Variants in DYNC2I1 observed in about 807,000 individuals in gnomAD.
The protein encoded by DYNC2I1 is dynein 2 intermediate chain 1.
Under a neutral mutation model 133.4 loss-of-function variants are expected in DYNC2I1, and 89 were observed. The observed-to-expected ratio is 0.67, with a 90% CI of 0.56 to 0.80. DYNC2I1 has a LOEUF of 0.80. DYNC2I1 is among the 30% of genes least tolerant of loss of function. The pLI, the probability that DYNC2I1 is intolerant of heterozygous loss-of-function variation, is 0.00. For missense variants in DYNC2I1, 1,291 were observed against 1,314.5 expected (o/e 0.98, Z 0.28); for synonymous variants, 504 against 484.3 (o/e 1.04, Z -0.54).
chr7:158,840,035 A>G, the DYNC2I1 span, among the ~76,000 whole-genome samples: 2 of 152,194 alleles, frequency 1.3e-5, no homozygotes, highest in African/African-American at 4.8e-5. Flanking sequence ...GGCTGGTCTC[A>G]AACTCTTGGG....
chr7:158,849,548 A>G, the DYNC2I1 span, among the ~76,000 whole-genome samples: 1 of 152,198 alleles, frequency 6.6e-6, no homozygotes. Flanking sequence ...GTGTTACAAC[A>G]GCTTGGAGGA....
chr7:158,933,207 T>C (rs1044596491), intron 21 of DYNC2I1, among the ~76,000 whole-genome samples: 5 of 152,182 alleles, frequency 3.3e-5, no homozygotes, highest in African/African-American at 1.2e-4. Flanking sequence ...CATCTCTCTG[T>C]TACAAATACA....
chr7:158,930,414 T>C, intron 20 of DYNC2I1, 41 bp from the exon 21 acceptor site: 1 of 1,562,712 alleles, frequency 6.4e-7, no homozygotes, highest in East Asian at 2.3e-5. Flanking sequence ...TGATTTAGCT[T>C]CTATTGAAAG....
chr7:158,912,943 A>T lies in DYNC2I1; in HGVS notation c.1591-42A>T, dbSNP rs1003485192. Reference sequence around the variant, plus strand: ...TTTCAGTAATGACAGATTGCTCCGAAATTGAAACCAATGTTAATTTTGGCA... The same window carrying T: ...TTTCAGTAATGACAGATTGCTCCGATATTGAAACCAATGTTAATTTTGGCA... On this transcript the variant is annotated intron_variant, in intron 12 of 24. Coordinates refer to ENST00000407559, the MANE Select transcript of DYNC2I1 (RefSeq NM_018051.5). 4 of 1,445,772 alleles carry T rather than the reference A, an allele frequency of 2.8e-6. No individual in the cohort carries two copies. The Admixed American group carries it at 6.0e-5, about 22-fold the overall frequency. The allele number at this position is 1,445,772 out of a possible 1,614,324, so 89.6% of individuals were successfully genotyped here. A position where few individuals can be genotyped will look rare whatever the true frequency, so the allele number is the denominator to read the frequency against.
rs184747974 is a variant in DYNC2I1 at position 158,896,326 on chromosome 7, T to C, written c.1059+4993T>C. Among the ~76,000 whole-genome samples the C allele has an allele frequency of 2.0e-5, 3 of 152,338 alleles. No individual in the cohort carries two copies. The East Asian group carries it at 5.8e-4, about 29-fold the overall frequency. On this transcript the variant is annotated intron_variant, in intron 8 of 24. Coordinates refer to ENST00000407559, the MANE Select transcript of DYNC2I1 (RefSeq NM_018051.5). ...TTGTTGGATTTTGTCAAATGTTTTTTCTCCATTTACTGATATGATCTTATG... is the reference window on the plus strand; with the variant it reads ...TTGTTGGATTTTGTCAAATGTTTTTCCTCCATTTACTGATATGATCTTATG...
chr7:158,930,661 A>G (rs1001052524), intron 21 of DYNC2I1, 146 bp downstream of exon 21: 21 of 697,648 alleles, frequency 3.0e-5, no homozygotes, highest in East Asian at 2.9e-4. Context: ...TTGTTAGTCT[A>G]TTATTTTTAT....
chr7:158,890,005 C>CAAAAAAAAAA, intron 7 of DYNC2I1, among the ~76,000 whole-genome samples: 1 of 67,984 alleles, frequency 1.5e-5, no homozygotes, highest in Non-Finnish European at 2.9e-5. Context: ...GACTCCTTCT[C>CAAAAAAAAAA]AAAAAAAAAA....
At chr7:158,880,644 C>T (rs1023233818) in intron 5 of DYNC2I1, among the ~76,000 whole-genome samples, 5 of 152,084 alleles carry the variant, frequency 3.3e-5, no homozygotes, top group South Asian at 2.1e-4. Flanking sequence ...AATTAGCAAA[C>T]GTTTCAACCA....
At chr7:158,879,132 G>A (rs1216469572) in intron 4 of DYNC2I1, among the ~76,000 whole-genome samples, 2 of 152,256 alleles carry the variant, frequency 1.3e-5, no homozygotes, top group South Asian at 2.1e-4. Flanking sequence ...ACTGTGTGGC[G>A]TTGGGGTGAC....
At chr7:158,892,467 G>C (rs1328498483) in intron 8 of DYNC2I1, among the ~76,000 whole-genome samples, 2 of 151,710 alleles carry the variant, frequency 1.3e-5, no homozygotes, top group Admixed American at 6.6e-5. Flanking sequence ...TTTGAGTCAG[G>C]GGCTCGCTCT....
In DYNC2I1 at chr7:158,911,608, CTCTT is replaced by C; in HGVS notation, c.1520_1523del (p.Leu507ArgfsTer6). The C allele has an allele frequency of 6.2e-7, 1 of 1,613,644 alleles. No individual in the cohort carries two copies. The highest frequency in any genetic ancestry group is 8.5e-7 in the Non-Finnish European group (1 of 1,179,712). On this transcript the variant is annotated frameshift_variant, in exon 12 of 25. Transcript: ENST00000407559. LOFTEE classifies it high-confidence loss of function. ...CTTAGATTTTTCATTTACTTTCTCT[CTCTT>C]GGATCTACCACCAGTAAATGAATAT...
intron 1 of DYNC2I1, among the ~76,000 whole-genome samples, chr7:158,865,800 T>C (rs558752570): frequency 2.6e-5 from 4 of 152,266 alleles, no homozygotes; most frequent in South Asian, 4.1e-4. Flanking sequence ...TAAAAGGCCT[T>C]GGCAGAAGCA....
intron 24 of DYNC2I1, among the ~76,000 whole-genome samples, chr7:158,943,695 G>A: frequency 9.6e-6 from 1 of 104,606 alleles, no homozygotes; most frequent in African/African-American, 4.1e-5. Context: ...ATAGTGGAGA[G>A]CATGTTTGTT....
At chr7:158,896,988 T>A (rs112532787) in intron 8 of DYNC2I1, among the ~76,000 whole-genome samples, 49 of 149,540 alleles carry the variant, frequency 3.3e-4, no homozygotes, top group African/African-American at 1.1e-3. Context: ...ATAATTTCTT[T>A]TTTTTTTTTT....
the DYNC2I1 span, among the ~76,000 whole-genome samples, chr7:158,850,858 G>A: frequency 7.4e-3 from 1,120 of 152,200 alleles, 8 homozygotes; most frequent in African/African-American, 0.024. Flanking sequence ...AGGAGGAGAT[G>A]CTTTTAAGTA....
the DYNC2I1 span, among the ~76,000 whole-genome samples, chr7:158,840,528 C>T: frequency 6.6e-6 from 1 of 152,210 alleles, no homozygotes; most frequent in Non-Finnish European, 1.5e-5. Flanking sequence ...GATCATGCCA[C>T]TGCACTTCAC....
At chr7:158,893,736 G>A (rs530958573) in intron 8 of DYNC2I1, among the ~76,000 whole-genome samples, 10 of 150,704 alleles carry the variant, frequency 6.6e-5, no homozygotes, top group East Asian at 6.0e-4. Context: ...ATGTCACACC[G>A]CATATCATAC....
chr7:158,956,209 C>T (rs1049220950), intron 4 of DYNC2I1, among the ~76,000 whole-genome samples: 4 of 152,344 alleles, frequency 2.6e-5, no homozygotes, highest in East Asian at 3.9e-4. Context: ...TCTGTGGCTG[C>T]GGCTGTAGGA....
intron 3 of DYNC2I1, among the ~76,000 whole-genome samples, chr7:158,873,425 C>G (rs1843057376): frequency 6.6e-6 from 1 of 152,140 alleles, no homozygotes; most frequent in Non-Finnish European, 1.5e-5. Flanking sequence ...TTATCCCCTT[C>G]ACTGCTGGTG....
Sources: gnomAD v4.1 joint callset for allele counts (sites outside exome capture counted in the v4.1 genomes callset) on GRCh38, gnomAD v4.1.1 for gene constraint, MANE v1.5 for transcripts, NCBI Gene and HGNC (gene_info 2026-07-23, HGNC 2026-07-21) for gene names.